CYB5A: variants seen among roughly 807,000 people sequenced by gnomAD.
CYB5A encodes the protein cytochrome b5.
A neutral mutation model predicts 16.2 loss-of-function variants in CYB5A; 10 were observed. The ratio of observed to expected loss-of-function variants is 0.62; its 90% CI spans 0.38 to 1.04. The LOEUF (loss-of-function observed/expected upper bound fraction) is 1.04. CYB5A is among the 50% of genes least tolerant of loss of function. The pLI, the probability that CYB5A is intolerant of heterozygous loss-of-function variation, is 0.01. For synonymous variants in CYB5A, 62 were observed against 57.0 expected, an observed-to-expected ratio of 1.09 and a Z score of -0.40; for missense variants, 161 against 165.9, an observed-to-expected ratio of 0.97 and a Z score of 0.16.
intron 1 of CYB5A, among the ~76,000 whole-genome samples, chr18:74,276,259 T>C (rs1982870738): frequency 6.6e-6 from 1 of 152,138 alleles, no homozygotes; most frequent in South Asian, 2.1e-4. Context: ...GCCACACTGA[T>C]AGCTCACGAG....
chr18:74,260,525 C>G, intron 3 of CYB5A: 1 of 331,252 alleles, frequency 3.0e-6, no homozygotes. Context: ...ATGAAGAAGA[C>G]ATGAGACACA....
chr18:74,257,264 G>C (rs750702171), intron 3 of CYB5A: 1 of 247,338 alleles, frequency 4.0e-6, no homozygotes, highest in Non-Finnish European at 7.9e-6. Flanking sequence ...CCATGGGAGA[G>C]CGCTAAGGTT....
At chr18:74,268,937 C>T (rs1187314531) in intron 1 of CYB5A, among the ~76,000 whole-genome samples, 3 of 152,118 alleles carry the variant, frequency 2.0e-5, no homozygotes, top group Non-Finnish European at 4.4e-5. Flanking sequence ...ACCTTGTTCT[C>T]GACAGCATAT....
At chr18:74,267,836 T>C (rs777509653) in intron 1 of CYB5A, among the ~76,000 whole-genome samples, 4 of 152,140 alleles carry the variant, frequency 2.6e-5, no homozygotes, top group Non-Finnish European at 5.9e-5. Flanking sequence ...CATAACGCAC[T>C]CCTTGCTAAG....
intron 4 of CYB5A, among the ~76,000 whole-genome samples, chr18:74,253,985 C>G (rs1464059819): frequency 6.6e-6 from 1 of 152,108 alleles, no homozygotes; most frequent in Non-Finnish European, 1.5e-5. Flanking sequence ...TTGAGACCAG[C>G]CTGGCCAACA....
rs138453058 is a variant in CYB5A, at chr18:74,277,927, C to T, written c.129+13820G>A. 4.9e-3 allele frequency among the ~76,000 whole-genome samples: 741 copies of T among 152,298 alleles called. 4 individuals are homozygous for T. Among genetic ancestry groups the T allele is most frequent in the African/African-American group, 0.017 (693 of 41,552 alleles). ...GGAAGAGAGCACCTGGAGTTTCTGC[C>T]GAAGATCTCTGCATTTCACAGCCTG... is the stretch of plus-strand genomic sequence containing the variant. On this transcript the variant is annotated intron_variant, in intron 1 of 4. Coordinates refer to ENST00000340533, the MANE Select transcript of CYB5A (RefSeq NM_148923.4).
At chr18:74,272,786 G>A (rs1416072227) in intron 1 of CYB5A, among the ~76,000 whole-genome samples, 2 of 151,932 alleles carry the variant, frequency 1.3e-5, no homozygotes, top group African/African-American at 4.8e-5. Context: ...GCCAGGTGTA[G>A]TGGTGGGCGC....
chr18:74,278,216 C>T (rs1199786966), intron 1 of CYB5A, among the ~76,000 whole-genome samples: 2 of 152,260 alleles, frequency 1.3e-5, no homozygotes, highest in East Asian at 1.9e-4. Flanking sequence ...TGACTCCACG[C>T]CAAGTCTCCT....
At chr18:74,270,093 C>A (rs1181107078) in intron 1 of CYB5A, among the ~76,000 whole-genome samples, 2 of 152,034 alleles carry the variant, frequency 1.3e-5, no homozygotes, top group African/African-American at 2.4e-5. Context: ...GGCCGCACAG[C>A]CTCTGGCAGG....
intron 4 of CYB5A, among the ~76,000 whole-genome samples, chr18:74,255,200 T>C (rs1981924997): frequency 1.3e-5 from 2 of 152,182 alleles, no homozygotes; most frequent in South Asian, 4.1e-4. Context: ...AAAAAGTGGC[T>C]ACTACTGAAG....
intron 4 of CYB5A, among the ~76,000 whole-genome samples, chr18:74,253,898 G>A (rs974285831): frequency 6.6e-6 from 1 of 152,238 alleles, no homozygotes; most frequent in Non-Finnish European, 1.5e-5. Context: ...GCCCCACTTG[G>A]CTGGGCTCAG....
chr18:74,260,983 A>T (rs781760879), intron 2 of CYB5A, 39 bp from the exon 3 acceptor site: 24 of 1,564,462 alleles, frequency 1.5e-5, no homozygotes, highest in East Asian at 2.2e-5. Flanking sequence ...GAATTTAAAA[A>T]TCTATGAAAG....
At chr18:74,254,250 C>T (rs1981879170) in intron 4 of CYB5A, among the ~76,000 whole-genome samples, 1 of 151,996 alleles carries the variant, frequency 6.6e-6, no homozygotes, top group Admixed American at 6.6e-5. Context: ...AGAGTATGGG[C>T]CCTGTGATGA....
At chr18:74,276,281 G>A (rs113735130) in intron 1 of CYB5A, among the ~76,000 whole-genome samples, 19 of 152,174 alleles carry the variant, frequency 1.2e-4, no homozygotes, top group African/African-American at 4.1e-4. Flanking sequence ...GAGGTGGGAC[G>A]GGAACCCTGC....
chr18:74,262,633 AT>A lies in CYB5A; in HGVS notation c.258+715del, dbSNP rs557092028. Among the ~76,000 whole-genome samples, 237 of 152,244 alleles carry A rather than the reference AT, an allele frequency of 1.6e-3. 1 individual carries two copies. Among genetic ancestry groups the A allele is most frequent in the South Asian group, 8.3e-3 (40 of 4,824 alleles). On this transcript the variant is annotated intron_variant, in intron 2 of 4. Transcript: ENST00000340533. Reference sequence around the variant, plus strand: ...TCATTTCACATAGCTCCGTTTTTATATTTTTTAAATCATTTTTTAGAACTAA... The same window carrying A: ...TCATTTCACATAGCTCCGTTTTTATATTTTTAAATCATTTTTTAGAACTAA...
chr18:74,283,341 A>C (rs1184410002), intron 1 of CYB5A, among the ~76,000 whole-genome samples: 1 of 152,162 alleles, frequency 6.6e-6, no homozygotes. Flanking sequence ...CTACACGTGC[A>C]AACAATCTCT....
intron 1 of CYB5A, among the ~76,000 whole-genome samples, chr18:74,268,280 C>A (rs957177190): frequency 2.0e-5 from 3 of 152,132 alleles, no homozygotes. Context: ...GGGGTCAGGA[C>A]GGGCCCTGCT....
chr18:74,260,582 G>A (rs1982159035), intron 3 of CYB5A: 1 of 387,856 alleles, frequency 2.6e-6, no homozygotes. Flanking sequence ...CAGATTTTAA[G>A]TTCTCTGAAA....
chr18:74,288,166 T>C (rs1441398267), intron 1 of CYB5A, among the ~76,000 whole-genome samples: 1 of 152,210 alleles, frequency 6.6e-6, no homozygotes, highest in African/African-American at 2.4e-5. Context: ...ACAGCTTTAG[T>C]GGCCATTATT....
Sources: gnomAD v4.1 joint callset for allele counts (sites outside exome capture counted in the v4.1 genomes callset) on GRCh38, gnomAD v4.1.1 for gene constraint, MANE v1.5 for transcripts, NCBI Gene and HGNC (gene_info 2026-07-23, HGNC 2026-07-21) for gene names.